GALNT2: variants seen among roughly 807,000 people sequenced by gnomAD.
The protein encoded by GALNT2 is polypeptide N-acetylgalactosaminyltransferase 2, also known as UDP-GalNAc:polypeptide N-acetylgalactosaminyltransferase 2.
A neutral mutation model predicts 81.4 loss-of-function variants in GALNT2; 31 were observed. That is an observed-to-expected ratio of 0.38 (90% confidence interval 0.29 to 0.51). GALNT2 has a LOEUF of 0.51. Ranked by LOEUF, GALNT2 falls within the 20% of genes least tolerant of loss-of-function variation. GALNT2 has a pLI of 0.87. For synonymous variants in GALNT2, 303 were observed against 287.4 expected, an observed-to-expected ratio of 1.05 and a Z score of -0.55; for missense variants, 629 against 765.7, an observed-to-expected ratio of 0.82 and a Z score of 2.11.
chr1:230,273,318 C>T lies in GALNT2; in HGVS notation c.1441-1127C>T, dbSNP rs147247989. On this transcript the variant is annotated intron_variant, in intron 14 of 15. Transcript: ENST00000366672. ...CCTGGCTCTGTGACAGCGCCGGTGT[C>T]ATACAGGTGTGCAGCAGGTGGTCAT... 1.8e-4 allele frequency among the ~76,000 whole-genome samples: 27 copies of T among 152,304 alleles called. No homozygotes were observed. The East Asian group carries it at 5.0e-3, about 28-fold the overall frequency.
chr1:230,121,418 C>T (rs575915664), intron 1 of GALNT2, among the ~76,000 whole-genome samples: 2 of 152,310 alleles, frequency 1.3e-5, no homozygotes, highest in Admixed American at 1.3e-4. Context: ...CCCTGTTTGC[C>T]TTCTTGATTT....
intron 3 of GALNT2, 110 bp downstream of exon 3, chr1:230,203,400 G>T (rs1663968360): frequency 3.1e-6 from 4 of 1,301,468 alleles, no homozygotes; most frequent in Non-Finnish European, 4.3e-6. Context: ...GAAATTGAAT[G>T]TGTGTTGTAA....
chr1:230,204,259 T>C (rs2102707851), intron 3 of GALNT2, among the ~76,000 whole-genome samples: 1 of 152,044 alleles, frequency 6.6e-6, no homozygotes, highest in East Asian at 1.9e-4. Flanking sequence ...ACTCCTCTAC[T>C]TCCCAGGTTC....
chr1:230,158,542 G>T (rs111399732), intron 1 of GALNT2, among the ~76,000 whole-genome samples: 1 of 152,218 alleles, frequency 6.6e-6, no homozygotes, highest in Non-Finnish European at 1.5e-5. Context: ...TCCCTCTCTT[G>T]ACCTGAGACT....
chr1:230,060,205 AT>A (rs1481742419), intron 1 of GALNT2, among the ~76,000 whole-genome samples: 1 of 151,958 alleles, frequency 6.6e-6, no homozygotes, highest in African/African-American at 2.4e-5. Flanking sequence ...AATGTTCCCC[AT>A]TTTTTTCCTG....
chr1:230,234,391 G>A (rs920645512), intron 3 of GALNT2, among the ~76,000 whole-genome samples: 4 of 152,086 alleles, frequency 2.6e-5, no homozygotes, highest in Non-Finnish European at 5.9e-5. Context: ...TATAATTTGG[G>A]GTATCATTTT....
At position 230,245,976 on chromosome 1, in the gene GALNT2, G is replaced by A. The variant is rs1665355639; in HGVS notation, c.730-87G>A. 3 of 1,124,420 alleles carry A rather than the reference G, an allele frequency of 2.7e-6. No individual in the cohort carries two copies. The East Asian group carries it at 7.1e-5, about 26-fold the overall frequency. The allele number at this position is 1,124,420 out of a possible 1,614,324, so 69.7% of individuals were successfully genotyped here. On this transcript the variant is annotated intron_variant, in intron 7 of 15. Transcript: ENST00000366672. ...TAAGGGCCAGTTGGGTTTGCCCTGT[G>A]CCTGCCTAATACTAATGCCTTCTGT...
chr1:230,153,011 G>A lies in GALNT2; in HGVS notation c.127-25207G>A, dbSNP rs1662137512. On this transcript the variant is annotated intron_variant, in intron 1 of 15. Transcript: ENST00000366672. ...TGTGAGTGAAGCATAATCAATACTT[G>A]GTGACTTGGCTAAACTGCGTTCAGT... Among the ~76,000 whole-genome samples the A allele has an allele frequency of 2.0e-5, 3 of 152,136 alleles. No homozygotes were observed. In the South Asian group the frequency reaches 6.2e-4, roughly 32 times the overall value.
chr1:230,232,635 A>G (rs772720293), intron 3 of GALNT2, among the ~76,000 whole-genome samples: 5 of 152,236 alleles, frequency 3.3e-5, no homozygotes, highest in Non-Finnish European at 5.9e-5. Flanking sequence ...CTAATTGCAG[A>G]GGATAGCTGC....
intron 1 of GALNT2, among the ~76,000 whole-genome samples, chr1:230,067,648 C>T (rs1659239317): frequency 6.6e-6 from 1 of 152,048 alleles, no homozygotes; most frequent in Non-Finnish European, 1.5e-5. Context: ...TCGTGGACGT[C>T]GCCCCTCTCT....
intron 3 of GALNT2, among the ~76,000 whole-genome samples, chr1:230,209,544 T>TA (rs1042210839): frequency 5.3e-5 from 8 of 152,156 alleles, no homozygotes; most frequent in Non-Finnish European, 7.4e-5. Context: ...CTGTGAGAAA[T>TA]ACAAATCTAT....
At chr1:230,220,065 A>C (rs1664500164) in intron 3 of GALNT2, among the ~76,000 whole-genome samples, 1 of 152,214 alleles carries the variant, frequency 6.6e-6, no homozygotes, top group South Asian at 2.1e-4. Flanking sequence ...GAGAGCTATT[A>C]ATGACATATA....
At chr1:230,189,119 A>G (rs769217535) in intron 2 of GALNT2, among the ~76,000 whole-genome samples, 5 of 152,234 alleles carry the variant, frequency 3.3e-5, no homozygotes, top group Non-Finnish European at 7.3e-5. Flanking sequence ...CCTTTGGTCA[A>G]CGTGGCCTTT....
At chr1:230,180,537 G>A (rs1229066190) in intron 2 of GALNT2, among the ~76,000 whole-genome samples, 1 of 152,000 alleles carries the variant, frequency 6.6e-6, no homozygotes, top group African/African-American at 2.4e-5. Flanking sequence ...TCTTGAAGCC[G>A]AGTAGTGTTA....
intron 1 of GALNT2, among the ~76,000 whole-genome samples, chr1:230,143,822 G>A (rs985622937): frequency 2.6e-5 from 4 of 152,198 alleles, no homozygotes; most frequent in African/African-American, 7.2e-5. Flanking sequence ...TTTAACTGTC[G>A]CCCTGCTCAG....
chr1:230,253,649 T>A (rs1296413855), intron 10 of GALNT2, among the ~76,000 whole-genome samples: 1 of 152,234 alleles, frequency 6.6e-6, no homozygotes, highest in Non-Finnish European at 1.5e-5. Flanking sequence ...AATTAGCATA[T>A]CCATCATCTC....
chr1:230,067,504 C>T (rs1347318928), intron 1 of GALNT2, 98 bp downstream of exon 1: 2 of 396,736 alleles, frequency 5.0e-6, no homozygotes, highest in Non-Finnish European at 7.8e-6. Flanking sequence ...CGCTCCTCCG[C>T]CCGGACCTCC....
At chr1:230,105,121 T>G (rs1025724289) in intron 1 of GALNT2, among the ~76,000 whole-genome samples, 1 of 152,222 alleles carries the variant, frequency 6.6e-6, no homozygotes, top group Non-Finnish European at 1.5e-5. Context: ...AGATCCATTC[T>G]GCTATTTAGC....
At chr1:230,175,648 CCCT>C (rs1400881506) in intron 1 of GALNT2, among the ~76,000 whole-genome samples, 4 of 142,306 alleles carry the variant, frequency 2.8e-5, no homozygotes, top group Non-Finnish European at 4.6e-5. Flanking sequence ...TTCCCTCTCC[CCCT>C]CCTCCTCCTC....
Sources: allele counts gnomAD v4.1 joint callset (sites outside exome capture counted in the v4.1 genomes callset), GRCh38; gene constraint gnomAD v4.1.1; transcripts MANE v1.5; gene names NCBI Gene and HGNC (gene_info 2026-07-23, HGNC 2026-07-21).